EMILIN3: variants seen among roughly 807,000 people sequenced by gnomAD.
EMILIN3 encodes elastin microfibril interfacer 3, also known as EMILIN-3.
A neutral mutation model predicts 42.8 loss-of-function variants in EMILIN3; 38 were observed. The ratio of observed to expected loss-of-function variants is 0.89; its 90% CI spans 0.69 to 1.16. EMILIN3 has a LOEUF of 1.16. Ranked by LOEUF, EMILIN3 falls within the 50% of genes most tolerant of loss-of-function variation. The probability of loss-of-function intolerance (pLI) is 0.00; values close to 1 mark genes in which losing one functional copy is unlikely to be tolerated. For synonymous variants in EMILIN3, 430 were observed against 440.5 expected, an observed-to-expected ratio of 0.98 and a Z score of 0.30; for missense variants, 924 against 999.5, an observed-to-expected ratio of 0.92 and a Z score of 1.02.
Position 41,363,684 on chromosome 20 carries a change from T to C in EMILIN3, c.468A>G (p.Pro156=), listed in dbSNP as rs747179706. The part of the protein sequence containing the change: ...EPQIPSGQLD[P]GPRPPSYSRA... Reference sequence around the variant, plus strand: ...TGCTGTAGGAAGGGGGCCTGGGGCCTGGGTCCAGCTGCCCTGAAGGAATCT... The same window carrying C: ...TGCTGTAGGAAGGGGGCCTGGGGCCCGGGTCCAGCTGCCCTGAAGGAATCT... Residue 156 remains proline (P), a synonymous_variant, in exon 3 of 4, where the codon CCA becomes CCG. Coordinates refer to ENST00000332312, the MANE Select transcript of EMILIN3 (RefSeq NM_052846.2). The C allele has an allele frequency of 6.2e-7, 1 of 1,613,736 alleles. No homozygotes were observed. Among genetic ancestry groups the C allele is most frequent in the South Asian group, 1.1e-5 (1 of 91,072 alleles).
chr20:41,364,001 T>G (rs2046381585), intron 2 of EMILIN3, 140 bp from the exon 3 acceptor site: 1 of 751,964 alleles, frequency 1.3e-6, no homozygotes, highest in African/African-American at 1.8e-5. Context: ...AGGGCTGTAC[T>G]TTTTCTGTGC....
chr20:41,361,625 G>A lies in EMILIN3; in HGVS notation c.1944C>T (p.His648=). 2 of 1,609,218 alleles carry A rather than the reference G, an allele frequency of 1.2e-6. No individual in the cohort carries two copies. The highest frequency in any genetic ancestry group is 1.7e-6 in the Non-Finnish European group (2 of 1,178,630). Reference sequence around the variant, plus strand: ...CCCCACGCAGGTTCAGGACCTGCCTGTGGCCAGCCTGAAGCCTGGAGCCTT... The same window carrying A: ...CCCCACGCAGGTTCAGGACCTGCCTATGGCCAGCCTGAAGCCTGGAGCCTT... ...SSQGSRLQAG[H]RQVLNLRGEL... is the part of the protein sequence containing the mutation. Residue 648 remains histidine (H), a synonymous_variant, in exon 4 of 4, where the codon CAC becomes CAT. Coordinates refer to ENST00000332312, the MANE Select transcript of EMILIN3 (RefSeq NM_052846.2).
Position 41,362,467 on chromosome 20 carries a change from G to C in EMILIN3, c.1102C>G (p.Gln368Glu), listed in dbSNP as rs1353603631. Residue 368 changes from glutamine to glutamate, a missense_variant, in exon 4 of 4, where the codon CAG becomes GAG. By Grantham distance (29) the Gln-to-Glu change is conservative. Transcript: ENST00000332312. ...RELALRQELS[Q>E]LGSQLQGLSV... is the part of the protein sequence containing the mutation. Reference sequence around the variant, plus strand: ...AGGCCCTGCAGCTGGCTGCCCAGCTGTGACAGCTCCTGGCGCAGGGCCAGC... The same window carrying C: ...AGGCCCTGCAGCTGGCTGCCCAGCTCTGACAGCTCCTGGCGCAGGGCCAGC... 1.3e-6 allele frequency: 2 copies of C among 1,599,842 alleles called. No individual in the cohort carries two copies. Among genetic ancestry groups the C allele is most frequent in the Admixed American group, 3.3e-5 (2 of 59,948 alleles).
At chr20:41,364,012 T>G in intron 2 of EMILIN3, 151 bp from the exon 3 acceptor site, 1 of 711,458 alleles carries the variant, frequency 1.4e-6, no homozygotes, top group Non-Finnish European at 2.4e-6. Flanking sequence ...TTTTCTGTGC[T>G]TAAGGTGACA....
In EMILIN3 at chr20:41,366,473, C is replaced by A. The variant is rs1267907343; in HGVS notation, c.162G>T (p.Pro54=). ...CGCCGCCCGCCCGCGCTTACTTGTGCGGCCCCGGGCGCAGCCGCGGGCGCC... is the reference window on the plus strand; with the variant it reads ...CGCCGCCCGCCCGCGCTTACTTGTGAGGCCCCGGGCGCAGCCGCGGGCGCC... ...TGWRPRLRPG[P]HKALCAYVVH... Residue 54 remains proline, a synonymous_variant, in exon 1 of 4, where the codon CCG becomes CCT. Transcript: ENST00000332312. This position sits in a 1 kb window ranked among gnomAD's most constrained non-coding sequence, Gnocchi z 4.2. 8.8e-6 allele frequency: 10 copies of A among 1,135,946 alleles called. No individual in the cohort carries two copies. The highest frequency in any genetic ancestry group is 3.3e-5 in the African/African-American group (2 of 60,472). The allele number at this position is 1,135,946 out of a possible 1,614,324, so 70.4% of individuals were successfully genotyped here.
In EMILIN3 at chr20:41,363,682, C is replaced by A. The variant is rs779941701; in HGVS notation, c.470G>T (p.Gly157Val). 2.5e-6 allele frequency: 4 copies of A among 1,613,674 alleles called. No individual in the cohort carries two copies. The highest frequency in any genetic ancestry group is 3.4e-6 in the Non-Finnish European group (4 of 1,179,886). ...TCTGCTGTAGGAAGGGGGCCTGGGG[C>A]CTGGGTCCAGCTGCCCTGAAGGAAT... The part of the protein sequence containing the change: ...PQIPSGQLDP[G>V]PRPPSYSRAA... Residue 157 changes from glycine (G) to valine (V), a missense_variant, in exon 3 of 4, where the codon GGC becomes GTC. Physicochemically the swap from Gly to Val is moderately radical, Grantham distance 109 (BLOSUM62 -3). Transcript: ENST00000332312.
rs1390532481 is a variant in EMILIN3, at chr20:41,360,661, T to A, written c.*607A>T. 6.5e-6 allele frequency: 1 copy of A among 153,508 alleles called. No individual in the cohort carries two copies. Among genetic ancestry groups the A allele is most frequent in the Non-Finnish European group, 1.5e-5 (1 of 68,680 alleles). The allele number at this position is 153,508 out of a possible 1,614,324, so 9.5% of individuals were successfully genotyped here. ...GGCAGCCTCTGGTCCTTAGTTCAGA[T>A]ACAACATCCATGAAGCTGCCAGGTG... On this transcript the variant is annotated 3_prime_UTR_variant, in exon 4 of 4. Transcript: ENST00000332312.
rs1200192736 is a variant in EMILIN3 at position 41,366,492 on chromosome 20, G to C, written c.143C>G (p.Pro48Arg). The change falls in exon 1 of 4, where the codon CCG becomes CGG. Residue 48 changes from proline to arginine, a missense_variant. By Grantham distance (103) the Pro-to-Arg change is moderately radical. Transcript: ENST00000332312. This position sits in a 1 kb window ranked among gnomAD's most constrained non-coding sequence, Gnocchi z 4.2. Reference sequence around the variant, plus strand: ...CTTGTGCGGCCCCGGGCGCAGCCGCGGGCGCCATCCCGTCGTGTAGAGACT... The same window carrying C: ...CTTGTGCGGCCCCGGGCGCAGCCGCCGGCGCCATCCCGTCGTGTAGAGACT... ...RYSLYTTGWR[P>R]RLRPGPHKAL... The C allele has an allele frequency of 1.7e-6, 2 of 1,149,636 alleles. No individual in the cohort carries two copies. The highest frequency in any genetic ancestry group is 3.9e-5 in the South Asian group (1 of 25,500). The allele number at this position is 1,149,636 out of a possible 1,614,324, so 71.2% of individuals were successfully genotyped here.
chr20:41,363,617 G>A (rs775678142), intron 3 of EMILIN3, 21 bp downstream of exon 3: 9 of 1,586,048 alleles, frequency 5.7e-6, no homozygotes, highest in Non-Finnish European at 7.7e-6. Context: ...CACCTTGGAG[G>A]GTCTCCTTGG....
chr20:41,365,236 T>C, intron 1 of EMILIN3, 79 bp from the exon 2 acceptor site: 1 of 1,565,654 alleles, frequency 6.4e-7, no homozygotes, highest in Non-Finnish European at 8.7e-7. Flanking sequence ...CCTCCATCTG[T>C]GGGCCTCAGC....
In EMILIN3 at chr20:41,365,156, C is replaced by T. The variant is rs1569020680; in HGVS notation, c.169G>A (p.Ala57Thr). The T allele has an allele frequency of 1.9e-6, 3 of 1,613,588 alleles. No individual in the cohort carries two copies. Among genetic ancestry groups the T allele is most frequent in the Non-Finnish European group, 2.5e-6 (3 of 1,179,724 alleles). ...CTGTGCACCACATAGGCACAGAGGGCCCTACAGGAGAAAATGGCACCCCTG... is the reference window on the plus strand; with the variant it reads ...CTGTGCACCACATAGGCACAGAGGGTCCTACAGGAGAAAATGGCACCCCTG... ...RPRLRPGPHK[A>T]LCAYVVHRNV... Residue 57 changes from alanine (A) to threonine (T), a missense_variant and splice_region_variant, in exon 2 of 4, where the codon GCC becomes ACC. Transcript: ENST00000332312.
At position 41,361,657 on chromosome 20, in the gene EMILIN3, TGACCTGCTCCTGGATGGCCTG is replaced by T; in HGVS notation, c.1891_1911del (p.Gln631_Val637del). 1 of 1,605,826 alleles carries T rather than the reference TGACCTGCTCCTGGATGGCCTG, an allele frequency of 6.2e-7. No individual in the cohort carries two copies. Among genetic ancestry groups the T allele is most frequent in the Non-Finnish European group, 8.5e-7 (1 of 1,175,552 alleles). ...GCCTGAAGCCTGGAGCCTTGGCTGC[TGACCTGCTCCTGGATGGCCTG>T]GACTTCGGCTTCCACCTTGCGTTCC... On this transcript the variant is annotated inframe_deletion, in exon 4 of 4. Coordinates refer to ENST00000332312, the MANE Select transcript of EMILIN3 (RefSeq NM_052846.2).
At position 41,361,665 on chromosome 20, in the gene EMILIN3, TC is replaced by T; in HGVS notation, c.1903del (p.Glu635SerfsTer18). 1 of 1,606,132 alleles carries T rather than the reference TC, an allele frequency of 6.2e-7. No homozygotes were observed. The highest frequency in any genetic ancestry group is 8.5e-7 in the Non-Finnish European group (1 of 1,175,566). On this transcript the variant is annotated frameshift_variant, in exon 4 of 4. Coordinates refer to ENST00000332312, the MANE Select transcript of EMILIN3 (RefSeq NM_052846.2). LOFTEE classifies it high-confidence loss of function. ...KVEAEVQAIQEQVSSQGSRLQ... is the reference protein window; with the variant it reads ...KVEAEVQAIQXQVSSQGSRLQ... ...CCTGGAGCCTTGGCTGCTGACCTGCTCCTGGATGGCCTGGACTTCGGCTTCC... is the reference window on the plus strand; with the variant it reads ...CCTGGAGCCTTGGCTGCTGACCTGCTCTGGATGGCCTGGACTTCGGCTTCC...
rs1338529128 is a variant in EMILIN3 at position 41,366,780 on chromosome 20, G to A, written c.-146C>T. ...CTTCGGCCCCCGAGCTCGCTGGCCC[G>A]GCCGCCTGGCGCTTCGCGGCGGCTG... On this transcript the variant is annotated 5_prime_UTR_variant, in exon 1 of 4. Coordinates refer to ENST00000332312, the MANE Select transcript of EMILIN3 (RefSeq NM_052846.2). This position sits in a 1 kb window ranked among gnomAD's most constrained non-coding sequence, Gnocchi z 4.2. The A allele has an allele frequency of 7.3e-6, 3 of 413,216 alleles. No individual in the cohort carries two copies. Among genetic ancestry groups the A allele is most frequent in the Admixed American group, 1.3e-4 (2 of 15,486 alleles). 25.6% of individuals were successfully genotyped at this position (413,216 alleles called of 1,614,324 possible).
Position 41,361,714 on chromosome 20 carries a change from G to C in EMILIN3, c.1855C>G (p.Leu619Val), listed in dbSNP as rs765847257. 2.4e-5 allele frequency: 39 copies of C among 1,612,382 alleles called. No homozygotes were observed. The highest frequency in any genetic ancestry group is 2.7e-5 in the Non-Finnish European group (32 of 1,179,258). Residue 619 changes from leucine (L) to valine (V), a missense_variant, in exon 4 of 4, where the codon CTG becomes GTG. Coordinates refer to ENST00000332312, the MANE Select transcript of EMILIN3 (RefSeq NM_052846.2). ...SDAFLAANTSLDERERKVEAE... is the reference protein window; with the variant it reads ...SDAFLAANTSVDERERKVEAE... ...TCCACCTTGCGTTCCCGCTCATCCA[G>C]GGACGTGTTGGCAGCCAAGAAGGCA...
Position 41,362,513 on chromosome 20 carries a change from GT to G in EMILIN3, c.1055del (p.His352ProfsTer25), listed in dbSNP as rs990542702. 6.3e-7 allele frequency: 1 copy of G among 1,599,430 alleles called. No homozygotes were observed. The highest frequency in any genetic ancestry group is 1.3e-5 in the African/African-American group (1 of 75,050). ...EEGQAASRRL[H>X]QSLDGRELAL... ...CCAGCTCCCGGCCATCAAGGCTCTG[GT>G]GCAGCCTCCGGCTGGCGGCCTGACC... is the stretch of plus-strand genomic sequence containing the variant. On this transcript the variant is annotated frameshift_variant, in exon 4 of 4. Coordinates refer to ENST00000332312, the MANE Select transcript of EMILIN3 (RefSeq NM_052846.2). LOFTEE classifies it high-confidence loss of function.
Position 41,361,312 on chromosome 20 carries a change from G to A in EMILIN3, c.2257C>T (p.Gln753Ter). ...ARLRDDLLDC[Q>*]AQLAEQVRPG... The stretch of plus-strand genomic sequence containing the variant: ...CGCACCTGCTCAGCCAGCTGGGCCT[G>A]GCAGTCCAGTAGGTCATCCCGGAGG... The change falls in exon 4 of 4, where the codon CAG (glutamine) becomes TAG (stop). Residue 753 changes from glutamine to a stop codon, truncating the protein, a stop_gained. Transcript: ENST00000332312. LOFTEE classifies it high-confidence loss of function. The A allele has an allele frequency of 6.2e-7, 1 of 1,604,278 alleles. No individual in the cohort carries two copies. The highest frequency in any genetic ancestry group is 8.5e-7 in the Non-Finnish European group (1 of 1,172,794).
Position 41,365,130 on chromosome 20 carries a change from C to A in EMILIN3, c.195G>T (p.Arg65Ser), listed in dbSNP as rs1229944126. ...CCTCCTGTAGGATGCAGGTCACATT[C>A]CTGTGCACCACATAGGCACAGAGGG... The part of the protein sequence containing the change: ...HKALCAYVVH[R>S]NVTCILQEGA... The change falls in exon 2 of 4, where the codon AGG becomes AGT. Residue 65 changes from arginine (R) to serine (S), a missense_variant. Transcript: ENST00000332312. 6.2e-7 allele frequency: 1 copy of A among 1,614,018 alleles called. No homozygotes were observed. The highest frequency in any genetic ancestry group is 1.3e-5 in the African/African-American group (1 of 75,052).
chr20:41,365,032 T>A lies in EMILIN3; in HGVS notation c.290+3A>T. 6.2e-7 allele frequency: 1 copy of A among 1,613,620 alleles called. No homozygotes were observed. The highest frequency in any genetic ancestry group is 8.5e-7 in the Non-Finnish European group (1 of 1,179,728). The stretch of plus-strand genomic sequence containing the variant: ...CAAGTGTGTAGGTGAGGAGTGCACT[T>A]ACGTGACTGTCCCGGGGCACTTGGG... On this transcript the variant is annotated splice_donor_region_variant and intron_variant, in intron 2 of 3. Coordinates refer to ENST00000332312, the MANE Select transcript of EMILIN3 (RefSeq NM_052846.2).
Sources: allele counts gnomAD v4.1 joint callset, GRCh38; gene constraint gnomAD v4.1.1; non-coding constraint Gnocchi (gnomAD v3.1); transcripts MANE v1.5; gene names NCBI Gene and HGNC (gene_info 2026-07-23, HGNC 2026-07-21).